The following ADIPOR2 variants were observed in gnomAD, a reference collection of about 807,000 sequenced individuals.
ADIPOR2 encodes the protein adiponectin receptor protein 2.
In ADIPOR2, 18 loss-of-function variants were observed where a neutral mutation model predicts 40.9. The observed-to-expected ratio is 0.44, with a 90% CI of 0.30 to 0.65. The LOEUF is 0.65. Ranked by LOEUF, ADIPOR2 falls within the 30% of genes least tolerant of loss-of-function variation. ADIPOR2 has a pLI of 0.09. For synonymous variants in ADIPOR2, 165 were observed against 166.4 expected, an observed-to-expected ratio of 0.99 and a Z score of 0.06; for missense variants, 283 against 479.2, an observed-to-expected ratio of 0.59 and a Z score of 3.82.
intron 1 of ADIPOR2, among the ~76,000 whole-genome samples, chr12:1,731,621 C>G (rs530250842): frequency 6.6e-6 from 1 of 152,090 alleles, no homozygotes; most frequent in Non-Finnish European, 1.5e-5. Flanking sequence ...CTTTTTGTGT[C>G]TGGTTTATTT....
intron 1 of ADIPOR2, among the ~76,000 whole-genome samples, chr12:1,736,943 A>T (rs2094732136): frequency 6.6e-6 from 1 of 152,164 alleles, no homozygotes; most frequent in East Asian, 1.9e-4. Flanking sequence ...TTTGGTCAGA[A>T]TTAGTGTCTA....
At chr12:1,717,807 AC>A (rs977890109) in intron 1 of ADIPOR2, among the ~76,000 whole-genome samples, 19 of 152,160 alleles carry the variant, frequency 1.2e-4, no homozygotes, top group African/African-American at 4.3e-4. Context: ...TATAAGGAAA[AC>A]AAATTTTTAG....
At chr12:1,734,622 C>A (rs924363945) in intron 1 of ADIPOR2, among the ~76,000 whole-genome samples, 16 of 152,138 alleles carry the variant, frequency 1.1e-4, no homozygotes, top group Non-Finnish European at 2.1e-4. Context: ...TTAATTAGAT[C>A]CCATTTGTCA....
In ADIPOR2 at chr12:1,754,465, A is replaced by G. The variant is rs775428926; in HGVS notation, c.122A>G (p.Asp41Gly). 6.2e-7 allele frequency: 1 copy of G among 1,613,306 alleles called. No individual in the cohort carries two copies. Among genetic ancestry groups the G allele is most frequent in the South Asian group, 1.1e-5 (1 of 90,912 alleles). Residue 41 changes from aspartate (D) to glycine (G), a missense_variant, in exon 2 of 8, where the codon GAT becomes GGT. Asp to Gly is a moderately conservative substitution (Grantham distance 94). This residue lies in a region of ADIPOR2 where 65 missense variants were observed against 79.9 expected (regional missense o/e 0.81). Transcript: ENST00000357103. ...RRGDNDSHQG[D>G]LEPILEASVL... ...GGTGATAATGACAGCCACCAAGGAG[A>G]TTTGGAGCCCATTTTAGAGGCATCT...
chr12:1,716,444 A>G (rs1253188541), intron 1 of ADIPOR2, among the ~76,000 whole-genome samples: 1 of 152,232 alleles, frequency 6.6e-6, no homozygotes, highest in East Asian at 1.9e-4. Flanking sequence ...TCATTATGTA[A>G]GAGATGATAA....
chr12:1,719,680 C>T (rs532333950), intron 1 of ADIPOR2, among the ~76,000 whole-genome samples: 1 of 142,586 alleles, frequency 7.0e-6, no homozygotes, highest in South Asian at 2.2e-4. Flanking sequence ...TTGTTTTCAT[C>T]TTTTTTTTTT....
intron 2 of ADIPOR2, among the ~76,000 whole-genome samples, chr12:1,765,498 G>GGTTT (rs1396209302): frequency 3.9e-5 from 6 of 152,062 alleles, no homozygotes; most frequent in Admixed American, 3.9e-4. Flanking sequence ...TTGTTATGAG[G>GGTTT]GTTTGATTAA....
chr12:1,773,535 T>G (rs77409326), intron 3 of ADIPOR2, among the ~76,000 whole-genome samples: 1 of 119,572 alleles, frequency 8.4e-6, no homozygotes, highest in African/African-American at 2.9e-5. Flanking sequence ...TTTTTTTTTT[T>G]CTAAAATAGT....
At chr12:1,743,323 A>G (rs2154443007) in intron 1 of ADIPOR2, among the ~76,000 whole-genome samples, 1 of 151,152 alleles carries the variant, frequency 6.6e-6, no homozygotes, top group South Asian at 2.1e-4. Context: ...AAAAAAAAAA[A>G]AAAAAAGAAA....
At chr12:1,722,376 A>G (rs896733029) in intron 1 of ADIPOR2, among the ~76,000 whole-genome samples, 1 of 152,186 alleles carries the variant, frequency 6.6e-6, no homozygotes, top group Non-Finnish European at 1.5e-5. Context: ...TGAGGTGCCA[A>G]TTAGACATCT....
intron 2 of ADIPOR2, among the ~76,000 whole-genome samples, chr12:1,765,461 G>A (rs1020637335): frequency 6.6e-6 from 1 of 152,148 alleles, no homozygotes; most frequent in Non-Finnish European, 1.5e-5. Flanking sequence ...AATAAAATGG[G>A]AATAGAAATA....
intron 1 of ADIPOR2, among the ~76,000 whole-genome samples, chr12:1,745,230 T>G (rs1033654028): frequency 1.3e-5 from 2 of 152,192 alleles, no homozygotes; most frequent in African/African-American, 4.8e-5. Context: ...TTGGTACCCA[T>G]TGCTTTGTTT....
chr12:1,757,590 C>T (rs1312878427), intron 2 of ADIPOR2: 4 of 1,173,796 alleles, frequency 3.4e-6, no homozygotes, highest in Non-Finnish European at 5.1e-6. Context: ...GCGGATGGTG[C>T]CGGGCATCAT....
rs1346248677 is a variant in ADIPOR2 at position 1,774,949 on chromosome 12, C to T, written c.291+1988C>T. ...CCATCTCCTGACCTCGTGATCTGCC[C>T]GCCTCGGCCTCCCATAGTGCTGGGA... is the stretch of plus-strand genomic sequence containing the variant. On this transcript the variant is annotated intron_variant, in intron 3 of 7. Transcript: ENST00000357103. Among the ~76,000 whole-genome samples, 4 of 46,816 alleles carry T rather than the reference C, an allele frequency of 8.5e-5. No individual in the cohort carries two copies. In the East Asian group the frequency reaches 4.8e-3, roughly 56 times the overall value. 30.7% of individuals were successfully genotyped at this position (46,816 alleles called of 152,430 possible). A position where few individuals can be genotyped will look rare whatever the true frequency, so the allele number is the denominator to read the frequency against.
intron 7 of ADIPOR2, 121 bp from the exon 8 acceptor site, chr12:1,785,821 CTG>C: frequency 7.7e-7 from 1 of 1,297,666 alleles, no homozygotes; most frequent in African/African-American, 1.5e-5. Flanking sequence ...AATTTGAGCT[CTG>C]TCACATCCAT....
intron 1 of ADIPOR2, among the ~76,000 whole-genome samples, chr12:1,703,667 T>G (rs957124161): frequency 2.6e-5 from 4 of 152,008 alleles, no homozygotes; most frequent in African/African-American, 7.3e-5. Flanking sequence ...CAGTGAGCTG[T>G]GATTGAGCCA....
At chr12:1,754,666 A>AT (rs1862075907) in intron 2 of ADIPOR2, 152 bp downstream of exon 2, 1 of 705,144 alleles carries the variant, frequency 1.4e-6, no homozygotes, top group African/African-American at 1.8e-5. Context: ...TTTCTTCTGG[A>AT]TAACTTGAAG....
intron 4 of ADIPOR2, among the ~76,000 whole-genome samples, chr12:1,779,800 G>A (rs971122955): frequency 6.6e-6 from 1 of 152,192 alleles, no homozygotes; most frequent in African/African-American, 2.4e-5. Flanking sequence ...CTTAGCAAAC[G>A]TTGAAGTTGA....
chr12:1,748,982 C>T (rs1369509253), intron 1 of ADIPOR2, among the ~76,000 whole-genome samples: 2 of 152,154 alleles, frequency 1.3e-5, no homozygotes, highest in African/African-American at 2.4e-5. Context: ...TAAGTCGGGG[C>T]CTCCAGAACT....
Sources: allele counts gnomAD v4.1 joint callset (sites outside exome capture counted in the v4.1 genomes callset), GRCh38; gene constraint gnomAD v4.1.1; regional missense constraint gnomAD v4.1.1; transcripts MANE v1.5; gene names NCBI Gene and HGNC (gene_info 2026-07-23, HGNC 2026-07-21).